Variants in LRP2 observed in about 807,000 individuals in gnomAD.
The protein encoded by LRP2 is low-density lipoprotein receptor-related protein 2.
In LRP2, 172 loss-of-function variants were observed where a neutral mutation model predicts 531.0. The ratio of observed to expected loss-of-function variants is 0.32; its 90% CI spans 0.29 to 0.37. The LOEUF is 0.37. Among genes scored for constraint, LRP2 ranks in the 10% least tolerant of loss-of-function variants. The pLI, the probability that LRP2 is intolerant of heterozygous loss-of-function variation, is 1.00. For missense variants in LRP2, 5,167 were observed against 5,868.3 expected (o/e 0.88, Z 3.90); for synonymous variants, 1,992 against 2,027.6 (o/e 0.98, Z 0.47).
intron 1 of LRP2, among the ~76,000 whole-genome samples, chr2:169,347,585 A>AG (rs1053809942): frequency 6.8e-6 from 1 of 146,252 alleles, no homozygotes; most frequent in African/African-American, 2.6e-5. Flanking sequence ...ATAATTATAG[A>AG]GGGAAAAAAA....
chr2:169,169,843 G>A lies in LRP2; in HGVS notation c.11381-25C>T, dbSNP rs151285777. 1,730 of 1,497,038 alleles carry A rather than the reference G, an allele frequency of 1.2e-3. 16 individuals carry two copies. The African/African-American group carries it at 0.021, about 18-fold the overall frequency. The allele number at this position is 1,497,038 out of a possible 1,614,324, so 92.7% of individuals were successfully genotyped here. ...TCTGAAGAGAAAAGATTGTCATTCC[G>A]AGAAGGCCTTGTCATTTTCAGACAG... is the stretch of plus-strand genomic sequence containing the variant. On this transcript the variant is annotated intron_variant, in intron 59 of 78. Transcript: ENST00000649046.
At chr2:169,243,310 C>T (rs779391362) in intron 23 of LRP2, 93 bp downstream of exon 23, 32 of 1,459,584 alleles carry the variant, frequency 2.2e-5, no homozygotes, top group East Asian at 1.1e-4. Context: ...CAACAGGCCC[C>T]GGTGTGTGAT....
At chr2:169,185,223 A>T (rs958145719) in intron 50 of LRP2, among the ~76,000 whole-genome samples, 1 of 152,180 alleles carries the variant, frequency 6.6e-6, no homozygotes, top group African/African-American at 2.4e-5. Flanking sequence ...TCGTCCCTTC[A>T]TATCATCTCC....
At position 169,195,979 on chromosome 2, in the gene LRP2, A is replaced by G. The variant is rs574999528; in HGVS notation, c.8698+932T>C. 9.2e-5 allele frequency among the ~76,000 whole-genome samples: 14 copies of G among 152,390 alleles called. No homozygotes were observed. The East Asian group carries it at 2.3e-3, about 25-fold the overall frequency. ...TATTTACTGCAATGATATATACTAT[A>G]GAGGAATAAAATAAAAGCAACCTAA... On this transcript the variant is annotated intron_variant, in intron 46 of 78. Coordinates refer to ENST00000649046, the MANE Select transcript of LRP2 (RefSeq NM_004525.3).
rs751379100 is a variant in LRP2 at position 169,289,106 on chromosome 2, C to T, written c.962G>A (p.Cys321Tyr). ...LCSALNCQYQCHETPYGGACF... is the reference protein window; with the variant it reads ...LCSALNCQYQYHETPYGGACF... ...CGCTCCTCCATACGGCGTCTCATGG[C>T]ACTGGTACTGGCAGTTCAAGGCAGA... is the stretch of plus-strand genomic sequence containing the variant. The change falls in exon 9 of 79, where the codon TGC becomes TAC. Residue 321 changes from cysteine (C) to tyrosine (Y), a missense_variant. This residue lies in a region of LRP2 where 2,811 missense variants were observed against 3,058.0 expected (regional missense o/e 0.92). Transcript: ENST00000649046. 6.2e-7 allele frequency: 1 copy of T among 1,614,146 alleles called. No homozygotes were observed. Among genetic ancestry groups the T allele is most frequent in the East Asian group, 2.2e-5 (1 of 44,882 alleles).
At chr2:169,147,854 A>G (rs1685973292) in intron 68 of LRP2, among the ~76,000 whole-genome samples, 2 of 152,140 alleles carry the variant, frequency 1.3e-5, no homozygotes, top group African/African-American at 4.8e-5. Context: ...AGGCAGACCT[A>G]CCCAGTGTAA....
chr2:169,210,896 C>T (rs1342613568), intron 37 of LRP2, among the ~76,000 whole-genome samples: 1 of 152,168 alleles, frequency 6.6e-6, no homozygotes, highest in Admixed American at 6.5e-5. Context: ...CATGTACACA[C>T]ACACACATAC....
intron 28 of LRP2, among the ~76,000 whole-genome samples, chr2:169,236,449 C>T (rs1001662336): frequency 5.3e-5 from 8 of 152,178 alleles, no homozygotes; most frequent in African/African-American, 1.9e-4. Context: ...TCAATTTATT[C>T]TTCATCAGGA....
intron 3 of LRP2, among the ~76,000 whole-genome samples, chr2:169,317,266 A>T (rs1244047515): frequency 6.6e-6 from 1 of 152,220 alleles, no homozygotes; most frequent in Non-Finnish European, 1.5e-5. Context: ...CCACACATTG[A>T]ATCGCAAAAT....
At chr2:169,298,553 G>T (rs1684191047) in intron 4 of LRP2, among the ~76,000 whole-genome samples, 2 of 151,932 alleles carry the variant, frequency 1.3e-5, no homozygotes, top group African/African-American at 4.8e-5. Context: ...GAAATTGAAT[G>T]AAATGGTAAT....
intron 1 of LRP2, among the ~76,000 whole-genome samples, chr2:169,331,777 A>T (rs1266798869): frequency 6.6e-6 from 1 of 152,232 alleles, no homozygotes; most frequent in East Asian, 1.9e-4. Flanking sequence ...CAAAAACTAC[A>T]AATCATTCCC....
chr2:169,163,569 G>A (rs530205084), intron 62 of LRP2, among the ~76,000 whole-genome samples: 14 of 152,320 alleles, frequency 9.2e-5, no homozygotes, highest in Admixed American at 7.2e-4. Flanking sequence ...GAAAAAAGCA[G>A]ATTTGAGAAC....
chr2:169,260,443 G>A (rs1004290202), intron 16 of LRP2, among the ~76,000 whole-genome samples: 2 of 152,068 alleles, frequency 1.3e-5, no homozygotes, highest in African/African-American at 4.8e-5. Context: ...ACCACCAGGT[G>A]GGGATGGGGC....
chr2:169,349,480 G>A (rs1161756827), intron 1 of LRP2, among the ~76,000 whole-genome samples: 2 of 152,180 alleles, frequency 1.3e-5, no homozygotes, highest in East Asian at 1.9e-4. Context: ...CAAATGGTTA[G>A]GGTCTTGTAG....
chr2:169,247,129 C>T (rs1233095639), intron 20 of LRP2, 143 bp from the exon 21 acceptor site: 11 of 1,066,206 alleles, frequency 1.0e-5, no homozygotes, highest in South Asian at 2.9e-5. Context: ...GAAATCAACC[C>T]GCCAAATACA....
intron 1 of LRP2, among the ~76,000 whole-genome samples, chr2:169,325,895 A>C (rs1305135394): frequency 6.6e-6 from 1 of 152,144 alleles, no homozygotes; most frequent in Non-Finnish European, 1.5e-5. Flanking sequence ...GCAAAACAAT[A>C]CTATAAGGAC....
At chr2:169,200,332 T>C (rs950786865) in intron 44 of LRP2, among the ~76,000 whole-genome samples, 11 of 152,208 alleles carry the variant, frequency 7.2e-5, no homozygotes, top group African/African-American at 2.4e-4. Flanking sequence ...CAATGAAAGC[T>C]AAGTAGGAAT....
chr2:169,358,158 A>G (rs547837810), intron 1 of LRP2, among the ~76,000 whole-genome samples: 27 of 152,216 alleles, frequency 1.8e-4, no homozygotes, highest in Non-Finnish European at 3.2e-4. Context: ...AGGATTCCAA[A>G]AGGAATCTAG....
chr2:169,237,690 A>C (rs374970178), intron 27 of LRP2, among the ~76,000 whole-genome samples: 1 of 152,228 alleles, frequency 6.6e-6, no homozygotes, highest in Non-Finnish European at 1.5e-5. Context: ...GGCAGAGGAA[A>C]TGTAACTATC....
Sources: gnomAD v4.1 joint callset for allele counts (sites outside exome capture counted in the v4.1 genomes callset) on GRCh38, gnomAD v4.1.1 for gene constraint, gnomAD v4.1.1 regional missense constraint, MANE v1.5 for transcripts, NCBI Gene and HGNC (gene_info 2026-07-23, HGNC 2026-07-21) for gene names.